GPATCH2L: variants seen among roughly 807,000 people sequenced by gnomAD.
GPATCH2L encodes G-patch domain containing 2 like.
Under a neutral mutation model 57.4 loss-of-function variants are expected in GPATCH2L, and 31 were observed. The observed-to-expected ratio is 0.54, with a 90% confidence interval of 0.41 to 0.73. The LOEUF (loss-of-function observed/expected upper bound fraction) is 0.73. Ranked by LOEUF, GPATCH2L falls within the 30% of genes least tolerant of loss-of-function variation. The probability of loss-of-function intolerance (pLI) is 0.00; values close to 1 mark genes in which losing one functional copy is unlikely to be tolerated. For missense variants in GPATCH2L, 481 were observed against 599.9 expected (o/e 0.80, Z 2.07); for synonymous variants, 199 against 210.7 (o/e 0.94, Z 0.48).
At chr14:76,172,754 A>G (rs1337218051) in intron 4 of GPATCH2L, among the ~76,000 whole-genome samples, 1 of 152,222 alleles carries the variant, frequency 6.6e-6, no homozygotes, top group Non-Finnish European at 1.5e-5. Context: ...AGTTGCCAAG[A>G]GTTTGTTGAA....
chr14:76,174,825 G>A (rs2039248158), intron 5 of GPATCH2L: 1 of 151,970 alleles, frequency 6.6e-6, no homozygotes, highest in Admixed American at 6.6e-5. Flanking sequence ...AGTACAGATG[G>A]GGTTTTACCA....
At chr14:76,157,183 G>A (rs886120247) in intron 2 of GPATCH2L, among the ~76,000 whole-genome samples, 19 of 152,184 alleles carry the variant, frequency 1.2e-4, no homozygotes, top group Non-Finnish European at 1.5e-4. Flanking sequence ...AATTCCCCTT[G>A]ACTTGTCTCG....
Position 76,168,951 on chromosome 14 carries a change from C to T in GPATCH2L, c.727+2224C>T, listed in dbSNP as rs573279041. 1.1e-3 allele frequency among the ~76,000 whole-genome samples: 165 copies of T among 152,332 alleles called. 1 individual carries two copies. Among genetic ancestry groups the T allele is most frequent in the South Asian group, 4.8e-3 (23 of 4,828 alleles). ...GCCACCACTCTTGTTTGGCAGCCTTCTTTTATAACCACAGTTCTTTGGGTT... is the reference window on the plus strand; with the variant it reads ...GCCACCACTCTTGTTTGGCAGCCTTTTTTTATAACCACAGTTCTTTGGGTT... On this transcript the variant is annotated intron_variant, in intron 3 of 9. Coordinates refer to ENST00000261530, the MANE Select transcript of GPATCH2L (RefSeq NM_017926.4).
At chr14:76,221,089 G>A (rs2040512868) in intron 1 of GPATCH2L, among the ~76,000 whole-genome samples, 1 of 150,156 alleles carries the variant, frequency 6.7e-6, no homozygotes, top group South Asian at 2.1e-4. Context: ...CCCAGGCTGG[G>A]ATAAAATGTT....
intron 3 of GPATCH2L, among the ~76,000 whole-genome samples, chr14:76,167,098 G>C (rs2038878380): frequency 6.6e-6 from 1 of 152,046 alleles, no homozygotes; most frequent in Non-Finnish European, 1.5e-5. Flanking sequence ...TAGGTGTTAA[G>C]ACATTATTTT....
chr14:76,172,773 G>C (rs1368063278), intron 4 of GPATCH2L, among the ~76,000 whole-genome samples: 1 of 152,108 alleles, frequency 6.6e-6, no homozygotes, highest in Non-Finnish European at 1.5e-5. Context: ...AACATCTGTG[G>C]GTGATCAGAA....
chr14:76,201,910 T>C lies in GPATCH2L; in HGVS notation c.*59T>C. On this transcript the variant is annotated 3_prime_UTR_variant, in exon 10 of 10. Coordinates refer to ENST00000261530, the MANE Select transcript of GPATCH2L (RefSeq NM_017926.4). Reference sequence around the variant, plus strand: ...GTGTTGCTGAAGCAAATGTTGGACTTTGTGTTAGATAGTCTTGCATATCTT... The same window carrying C: ...GTGTTGCTGAAGCAAATGTTGGACTCTGTGTTAGATAGTCTTGCATATCTT... 2 of 1,453,912 alleles carry C rather than the reference T, an allele frequency of 1.4e-6. No individual in the cohort carries two copies. Among genetic ancestry groups the C allele is most frequent in the African/African-American group, 1.4e-5 (1 of 70,920 alleles). The allele number at this position is 1,453,912 out of a possible 1,614,324, so 90.1% of individuals were successfully genotyped here. A position where few individuals can be genotyped will look rare whatever the true frequency, so the allele number is the denominator to read the frequency against.
intron 5 of GPATCH2L, 67 bp downstream of exon 5, chr14:76,173,692 T>C (rs534888463): frequency 1.0e-6 from 1 of 1,000,914 alleles, no homozygotes; most frequent in South Asian, 1.3e-5. Flanking sequence ...TTGTGTATCC[T>C]ATTAACAATC....
At chr14:76,152,768 A>G (rs1384245653) in intron 1 of GPATCH2L, 1 of 455,864 alleles carries the variant, frequency 2.2e-6, no homozygotes, top group Non-Finnish European at 4.4e-6. Context: ...GTTCTGCCTG[A>G]GGTTTTTATT....
At chr14:76,222,516 G>A (rs758394707) in intron 1 of GPATCH2L, among the ~76,000 whole-genome samples, 3 of 151,864 alleles carry the variant, frequency 2.0e-5, no homozygotes, top group Non-Finnish European at 4.4e-5. Flanking sequence ...CTGAGGTGGG[G>A]GAATCACCTG....
intron 5 of GPATCH2L, chr14:76,174,360 G>A (rs777585091): frequency 6.6e-6 from 1 of 152,170 alleles, no homozygotes; most frequent in Non-Finnish European, 1.5e-5. Context: ...TTAAGACAGG[G>A]CTCATCCTCA....
chr14:76,207,581 A>T lies in GPATCH2L; in HGVS notation c.*5730A>T, dbSNP rs570937969. ...ACCTTGGGTACATAGATGTGTAATA[A>T]ATACCTGTTGAGTTATTGGTAATCT... On this transcript the variant is annotated 3_prime_UTR_variant, in exon 10 of 10. Coordinates refer to ENST00000261530, the MANE Select transcript of GPATCH2L (RefSeq NM_017926.4). 1 of 152,166 alleles carries T rather than the reference A, an allele frequency of 6.6e-6. No individual in the cohort carries two copies. Among genetic ancestry groups the T allele is most frequent in the Non-Finnish European group, 1.5e-5 (1 of 68,030 alleles). 9.4% of individuals were successfully genotyped at this position (152,166 alleles called of 1,614,324 possible).
intron 1 of GPATCH2L, chr14:76,152,475 TC>T (rs1478590296): frequency 3.9e-5 from 13 of 333,862 alleles, no homozygotes; most frequent in Middle Eastern, 1.6e-3. Context: ...CTCTCCCACC[TC>T]CTACTCCGCC....
chr14:76,170,019 T>A lies in GPATCH2L; in HGVS notation c.728-1824T>A, dbSNP rs7156865. On this transcript the variant is annotated intron_variant, in intron 3 of 9. Transcript: ENST00000261530. Reference sequence around the variant, plus strand: ...CAGCAGTCCATGTTTTAACAAGCCCTCCTGCTGCTTCAGATGCATGCTCAA... The same window carrying A: ...CAGCAGTCCATGTTTTAACAAGCCCACCTGCTGCTTCAGATGCATGCTCAA... Among the ~76,000 whole-genome samples the A allele has an allele frequency of 2.6e-5, 4 of 152,134 alleles. No homozygotes were observed. In the East Asian group the frequency reaches 5.8e-4, roughly 22 times the overall value.
At chr14:76,176,376 A>G in intron 5 of GPATCH2L, 2 of 520,816 alleles carry the variant, frequency 3.8e-6, no homozygotes. Flanking sequence ...TATGGTGAAC[A>G]GTGTCTATGA....
At chr14:76,222,089 G>A (rs1362115751) in intron 1 of GPATCH2L, among the ~76,000 whole-genome samples, 1 of 152,124 alleles carries the variant, frequency 6.6e-6, no homozygotes, top group African/African-American at 2.4e-5. Context: ...GGAATTCTCT[G>A]TACTCCTGCT....
intron 4 of GPATCH2L, among the ~76,000 whole-genome samples, chr14:76,172,463 A>C (rs978535310): frequency 1.3e-5 from 2 of 152,232 alleles, no homozygotes; most frequent in African/African-American, 4.8e-5. Context: ...GTTTTATTTT[A>C]ATGACCCTAT....
rs577552156 is a variant in GPATCH2L, at chr14:76,196,255, G to T, written c.1288+283G>T. The T allele has an allele frequency of 4.2e-5, 26 of 612,416 alleles. No homozygotes were observed. In the African/African-American group the frequency reaches 4.6e-4, roughly 11 times the overall value. The allele number at this position is 612,416 out of a possible 1,614,324, so 37.9% of individuals were successfully genotyped here. A position where few individuals can be genotyped will look rare whatever the true frequency, so the allele number is the denominator to read the frequency against. On this transcript the variant is annotated intron_variant, in intron 9 of 9. Transcript: ENST00000261530. ...TTTTGTTTTAGCAGACAGGAAATTA[G>T]GTCCATGTTAATGAAAGTCCAGGTG...
chr14:76,179,225 GC>G (rs1038708383), intron 7 of GPATCH2L: 3 of 152,032 alleles, frequency 2.0e-5, no homozygotes, highest in Non-Finnish European at 2.9e-5. Context: ...GCATATAGAT[GC>G]CCAATTTTTA....
Sources: allele counts gnomAD v4.1 joint callset (sites outside exome capture counted in the v4.1 genomes callset), GRCh38; gene constraint gnomAD v4.1.1; transcripts MANE v1.5; gene names NCBI Gene and HGNC (gene_info 2026-07-23, HGNC 2026-07-21).